Variants in CTNNA3 observed in about 807,000 individuals in gnomAD.
CTNNA3 encodes the protein catenin alpha-3.
A neutral mutation model predicts 95.7 loss-of-function variants in CTNNA3; 76 were observed. The ratio of observed to expected loss-of-function variants is 0.79; its 90% CI spans 0.66 to 0.96. The LOEUF is 0.96. CTNNA3 is among the 40% of genes least tolerant of loss of function. The probability of loss-of-function intolerance (pLI) is 0.00; values close to 1 mark genes in which losing one functional copy is unlikely to be tolerated. For missense variants in CTNNA3, 1,191 were observed against 1,089.8 expected (o/e 1.09, Z -1.31); for synonymous variants, 431 against 374.4 (o/e 1.15, Z -1.74).
chr10:66,889,700 G>C (rs1047968452), intron 7 of CTNNA3, among the ~76,000 whole-genome samples: 1 of 151,980 alleles, frequency 6.6e-6, no homozygotes, highest in Non-Finnish European at 1.5e-5. Flanking sequence ...ATAAGTGAAC[G>C]AGAGGGAGAA....
At chr10:66,996,015 T>C (rs1024786757) in intron 7 of CTNNA3, among the ~76,000 whole-genome samples, 4 of 152,190 alleles carry the variant, frequency 2.6e-5, no homozygotes, top group African/African-American at 4.8e-5. Flanking sequence ...CAATCACTTG[T>C]AAATTATTTT....
chr10:67,137,032 T>G (rs779649159), intron 7 of CTNNA3, among the ~76,000 whole-genome samples: 2 of 152,108 alleles, frequency 1.3e-5, no homozygotes, highest in Non-Finnish European at 2.9e-5. Context: ...CATTTCGTAC[T>G]TGCTCCTCTG....
At chr10:67,264,321 C>T (rs897705202) in intron 5 of CTNNA3, among the ~76,000 whole-genome samples, 24 of 152,058 alleles carry the variant, frequency 1.6e-4, no homozygotes, top group African/African-American at 5.8e-4. Context: ...CCTCAGATTC[C>T]CTTTGCAAAA....
At chr10:66,022,316 A>G (rs1428973841) in intron 15 of CTNNA3, among the ~76,000 whole-genome samples, 1 of 152,180 alleles carries the variant, frequency 6.6e-6, no homozygotes, top group East Asian at 1.9e-4. Flanking sequence ...AACAAAAGTT[A>G]TATTTCAAAA....
chr10:66,833,570 T>C (rs113023696), intron 7 of CTNNA3, among the ~76,000 whole-genome samples: 7 of 152,304 alleles, frequency 4.6e-5, no homozygotes, highest in African/African-American at 1.7e-4. Flanking sequence ...AAACTAAGTT[T>C]CAGAGAAGTT....
chr10:66,232,064 A>G (rs2089614719), intron 13 of CTNNA3, among the ~76,000 whole-genome samples: 1 of 152,192 alleles, frequency 6.6e-6, no homozygotes, highest in Non-Finnish European at 1.5e-5. Context: ...GTGTGTTCTA[A>G]TTACATACAG....
At chr10:67,447,500 C>T (rs149479548) in intron 5 of CTNNA3, among the ~76,000 whole-genome samples, 6 of 152,264 alleles carry the variant, frequency 3.9e-5, no homozygotes, top group African/African-American at 1.4e-4. Context: ...TCTCCTTGCT[C>T]CTTGTTCCTT....
intron 5 of CTNNA3, among the ~76,000 whole-genome samples, chr10:67,300,748 T>C (rs1386712981): frequency 1.3e-5 from 2 of 152,148 alleles, no homozygotes; most frequent in Admixed American, 1.3e-4. Flanking sequence ...TAGCATTCAC[T>C]CCCCATGTAT....
chr10:66,202,871 C>T (rs1202460383), intron 13 of CTNNA3, among the ~76,000 whole-genome samples: 1 of 152,168 alleles, frequency 6.6e-6, no homozygotes, highest in African/African-American at 2.4e-5. Flanking sequence ...ATTAATTACT[C>T]ATTAATCATG....
rs1046496742 is a variant in CTNNA3, at chr10:67,012,199, A to T, written c.1047+168118T>A. The T allele has an allele frequency of 3.3e-5, 5 of 152,196 alleles. No homozygotes were observed. In the East Asian group the frequency reaches 9.6e-4, roughly 29 times the overall value. The allele number at this position is 152,196 out of a possible 1,614,324, so 9.4% of individuals were successfully genotyped here. A position where few individuals can be genotyped will look rare whatever the true frequency, so the allele number is the denominator to read the frequency against. ...CAGTGTGTGATGCACTTCCTATGTC[A>T]CAGAGTATGAAGAATGTCACAAGGT... is the stretch of plus-strand genomic sequence containing the variant. On this transcript the variant is annotated intron_variant, in intron 7 of 17. Coordinates refer to ENST00000433211, the MANE Select transcript of CTNNA3 (RefSeq NM_013266.4).
chr10:67,741,233 G>A (rs1398768495), intron 1 of CTNNA3, among the ~76,000 whole-genome samples: 7 of 148,870 alleles, frequency 4.7e-5, no homozygotes, highest in Admixed American at 6.8e-5. Flanking sequence ...TGGGTGCAGC[G>A]CACCAGCATG....
At chr10:66,035,835 C>A (rs1453833050) in intron 15 of CTNNA3, among the ~76,000 whole-genome samples, 1 of 151,878 alleles carries the variant, frequency 6.6e-6, no homozygotes, top group Non-Finnish European at 1.5e-5. Context: ...GAAAGATGGG[C>A]TTATTGTGAA....
At chr10:66,153,714 A>G (rs2084327449) in intron 13 of CTNNA3, among the ~76,000 whole-genome samples, 1 of 151,904 alleles carries the variant, frequency 6.6e-6, no homozygotes, top group African/African-American at 2.4e-5. Flanking sequence ...CCACAGTGTT[A>G]GTTATTTGCA....
chr10:67,509,224 G>A (rs1839526833), intron 5 of CTNNA3, among the ~76,000 whole-genome samples: 2 of 151,508 alleles, frequency 1.3e-5, no homozygotes, highest in Admixed American at 1.3e-4. Context: ...TAAGTTCTAG[G>A]GTACATGTGC....
chr10:66,432,926 G>T (rs1256937573), intron 11 of CTNNA3, among the ~76,000 whole-genome samples: 1 of 152,048 alleles, frequency 6.6e-6, no homozygotes, highest in Non-Finnish European at 1.5e-5. Flanking sequence ...TTGTTAGTTT[G>T]CTGAGAATGA....
intron 13 of CTNNA3, among the ~76,000 whole-genome samples, chr10:66,217,957 AC>A (rs1412290956): frequency 1.3e-5 from 2 of 151,966 alleles, no homozygotes; most frequent in Admixed American, 6.6e-5. Context: ...CCACCTGCGC[AC>A]TAGGGGAAGG....
At chr10:66,507,108 T>C (rs1160185869) in intron 11 of CTNNA3, among the ~76,000 whole-genome samples, 2 of 152,202 alleles carry the variant, frequency 1.3e-5, no homozygotes, top group African/African-American at 4.8e-5. Flanking sequence ...ATTTTCTTTG[T>C]CAAATTTAGA....
chr10:67,737,825 A>G (rs982439435), intron 1 of CTNNA3, among the ~76,000 whole-genome samples: 4 of 152,226 alleles, frequency 2.6e-5, no homozygotes, highest in Admixed American at 6.5e-5. Context: ...AACTAGTTCA[A>G]CCATTGTGGA....
chr10:66,402,570 G>A (rs543692978), intron 11 of CTNNA3, among the ~76,000 whole-genome samples: 8 of 152,214 alleles, frequency 5.3e-5, no homozygotes, highest in African/African-American at 1.2e-4. Context: ...TTGAGATAGA[G>A]CAGGGATACC....
Sources: allele counts gnomAD v4.1 joint callset (sites outside exome capture counted in the v4.1 genomes callset), GRCh38; gene constraint gnomAD v4.1.1; transcripts MANE v1.5; gene names NCBI Gene and HGNC (gene_info 2026-07-23, HGNC 2026-07-21).